NAV2: variants seen among roughly 807,000 people sequenced by gnomAD.
The protein encoded by NAV2 is neuron navigator 2.
Under a neutral mutation model 223.2 loss-of-function variants are expected in NAV2, and 54 were observed. The observed-to-expected ratio is 0.24, with a 90% CI of 0.19 to 0.30. NAV2 has a LOEUF of 0.30. Ranked by LOEUF, NAV2 falls within the 10% of genes least tolerant of loss-of-function variation. The probability of loss-of-function intolerance (pLI) is 1.00; values close to 1 mark genes in which losing one functional copy is unlikely to be tolerated. For missense variants in NAV2, 2,806 were observed against 3,147.5 expected, an observed-to-expected ratio of 0.89 and a Z score of 2.60; for synonymous variants, 1,279 against 1,239.3, an observed-to-expected ratio of 1.03 and a Z score of -0.67.
Position 19,983,618 on chromosome 11 carries a change from G to A in NAV2, c.2646-507G>A, listed in dbSNP as rs79236430. ...CTGGGTGAAAAACTCACCATCCAGG[G>A]AAGGGACTCGCCTGTGATGGCAAAG... On this transcript the variant is annotated intron_variant, in intron 10 of 37. Coordinates refer to ENST00000349880, the MANE Select transcript of NAV2 (RefSeq NM_145117.5). Among the ~76,000 whole-genome samples the A allele has an allele frequency of 3.2e-3, 494 of 152,242 alleles. 7 individuals are homozygous for A. Among genetic ancestry groups the A allele is most frequent in the African/African-American group, 0.011 (462 of 41,552 alleles).
chr11:19,780,699 A>T (rs1222418518), intron 1 of NAV2, among the ~76,000 whole-genome samples: 2 of 152,214 alleles, frequency 1.3e-5, no homozygotes, highest in African/African-American at 4.8e-5. Context: ...AAAAAAATGT[A>T]TCCGGATTTG....
intron 11 of NAV2, among the ~76,000 whole-genome samples, chr11:20,023,724 G>A (rs192341815): frequency 3.9e-5 from 6 of 151,910 alleles, no homozygotes; most frequent in African/African-American, 1.5e-4. Flanking sequence ...GTGTGTGTGT[G>A]TGTGTGTGTG....
intron 11 of NAV2, among the ~76,000 whole-genome samples, chr11:20,004,259 A>G (rs1400245935): frequency 6.6e-6 from 1 of 152,236 alleles, no homozygotes; most frequent in Non-Finnish European, 1.5e-5. Flanking sequence ...TGTGATGCCA[A>G]AAGGTGGTAA....
intron 11 of NAV2, among the ~76,000 whole-genome samples, chr11:19,989,792 G>A (rs1862800384): frequency 6.6e-6 from 1 of 152,040 alleles, no homozygotes; most frequent in African/African-American, 2.4e-5. Context: ...ACGTGCCCAG[G>A]GTTACACACC....
chr11:19,349,609 C>A (rs899339055), upstream of NAV2, among the ~76,000 whole-genome samples: 2 of 152,146 alleles, frequency 1.3e-5, no homozygotes, highest in Non-Finnish European at 2.9e-5. Context: ...AAGACTAGTG[C>A]CTTTTAGTAA....
intron 22 of NAV2, 115 bp downstream of exon 22, chr11:20,068,513 G>A (rs1260367733): frequency 2.5e-6 from 2 of 794,304 alleles, no homozygotes; most frequent in Non-Finnish European, 4.3e-6. Flanking sequence ...TAAAGAAAAA[G>A]ACACAGGCTT....
intron 10 of NAV2, among the ~76,000 whole-genome samples, chr11:19,949,796 C>T (rs950610913): frequency 6.6e-6 from 1 of 152,204 alleles, no homozygotes; most frequent in Admixed American, 6.5e-5. Flanking sequence ...ACTTGTCTTG[C>T]GCGTTCACTG....
intron 12 of NAV2, among the ~76,000 whole-genome samples, chr11:20,043,219 G>A (rs906479459): frequency 6.6e-6 from 1 of 152,036 alleles, no homozygotes; most frequent in Non-Finnish European, 1.5e-5. Flanking sequence ...ATCTCTCTGC[G>A]GTGCAGTGAT....
intron 1 of NAV2, among the ~76,000 whole-genome samples, chr11:19,828,344 C>T (rs2059754755): frequency 6.6e-6 from 1 of 152,146 alleles, no homozygotes; most frequent in Non-Finnish European, 1.5e-5. Flanking sequence ...ATAAAACTTC[C>T]CTTTCCTCCC....
chr11:19,663,564 T>A (rs1474510793), intron 1 of NAV2, among the ~76,000 whole-genome samples: 2 of 152,236 alleles, frequency 1.3e-5, no homozygotes, highest in African/African-American at 4.8e-5. Context: ...CTTTTCATTG[T>A]CTGCTCCATT....
intron 2 of NAV2, among the ~76,000 whole-genome samples, chr11:19,840,250 T>C (rs909478401): frequency 6.6e-6 from 1 of 152,232 alleles, no homozygotes; most frequent in Non-Finnish European, 1.5e-5. Flanking sequence ...CAGTTTATTT[T>C]GACTTTTGTA....
intron 1 of NAV2, among the ~76,000 whole-genome samples, chr11:19,730,601 G>T (rs1264350297): frequency 6.6e-6 from 1 of 152,218 alleles, no homozygotes; most frequent in Non-Finnish European, 1.5e-5. Context: ...TGCCAGCTTT[G>T]CTTAATGGGG....
At chr11:20,038,381 A>G (rs76486483) in intron 12 of NAV2, among the ~76,000 whole-genome samples, 4,006 of 151,642 alleles carry the variant, frequency 0.026, 99 homozygotes, top group African/African-American at 0.067. Flanking sequence ...AATGAAAACT[A>G]AAAAAAAAGT....
chr11:19,737,837 G>A (rs2052464847), intron 1 of NAV2, among the ~76,000 whole-genome samples: 1 of 152,214 alleles, frequency 6.6e-6, no homozygotes. Context: ...GATCCGAGTA[G>A]GGGAGCTGAG....
At chr11:19,558,135 A>T (rs1357246201) in intron 1 of NAV2, among the ~76,000 whole-genome samples, 3 of 152,226 alleles carry the variant, frequency 2.0e-5, no homozygotes, top group African/African-American at 7.2e-5. Context: ...TCTGTGCCTC[A>T]GTTTCTCCAT....
intron 11 of NAV2, chr11:20,022,494 G>A (rs186420581): frequency 9.4e-6 from 9 of 960,600 alleles, no homozygotes; most frequent in Admixed American, 6.2e-5. Flanking sequence ...TATGTGTGTC[G>A]TTGTTAACTG....
intron 6 of NAV2, among the ~76,000 whole-genome samples, chr11:19,915,297 A>G (rs1393187620): frequency 6.6e-6 from 1 of 152,214 alleles, no homozygotes; most frequent in Non-Finnish European, 1.5e-5. Context: ...AAAGGGAAAG[A>G]TGACTTGTGT....
chr11:20,062,244 CT>C, intron 19 of NAV2, 62 bp from the exon 20 acceptor site: 2 of 1,219,906 alleles, frequency 1.6e-6, no homozygotes, highest in Non-Finnish European at 2.4e-6. Flanking sequence ...TTCTCCTCCC[CT>C]GTCCCCTTTT....
chr11:19,535,779 C>T (rs1053883409), intron 1 of NAV2, among the ~76,000 whole-genome samples: 3 of 152,264 alleles, frequency 2.0e-5, no homozygotes, highest in Admixed American at 6.5e-5. Context: ...TCTCAATTAA[C>T]GCCCAACAGC....
Sources: gnomAD v4.1 joint callset for allele counts (sites outside exome capture counted in the v4.1 genomes callset) on GRCh38, gnomAD v4.1.1 for gene constraint, MANE v1.5 for transcripts, NCBI Gene and HGNC (gene_info 2026-07-23, HGNC 2026-07-21) for gene names.